Variants in PPP1R21 observed in about 807,000 individuals in gnomAD.
The protein encoded by PPP1R21 is protein phosphatase 1 regulatory subunit 21, also known as KLRAQ motif containing 1.
Under a neutral mutation model 112.8 loss-of-function variants are expected in PPP1R21, and 85 were observed. That is an observed-to-expected ratio of 0.75 (90% CI 0.63 to 0.90). The LOEUF (loss-of-function observed/expected upper bound fraction) is 0.90. Among genes scored for constraint, PPP1R21 ranks in the 40% least tolerant of loss-of-function variants. PPP1R21 has a pLI of 0.00. For missense variants in PPP1R21, 1,199 were observed against 901.5 expected (o/e 1.33, Z -4.23); for synonymous variants, 381 against 322.3 (o/e 1.18, Z -1.95).
chr2:48,508,120 T>C (rs375805722), intron 19 of PPP1R21, among the ~76,000 whole-genome samples: 5 of 151,330 alleles, frequency 3.3e-5, no homozygotes, highest in African/African-American at 1.2e-4. Flanking sequence ...GTATCATCTA[T>C]AAAATTATAC....
intron 1 of PPP1R21, among the ~76,000 whole-genome samples, chr2:48,448,137 T>C (rs1667329296): frequency 6.6e-6 from 1 of 152,192 alleles, no homozygotes; most frequent in Non-Finnish European, 1.5e-5. Context: ...GCTTATCATC[T>C]TCCTCCATTT....
At chr2:48,450,934 A>C in intron 1 of PPP1R21, 74 bp from the exon 2 acceptor site, 1 of 1,285,690 alleles carries the variant, frequency 7.8e-7, no homozygotes, top group Non-Finnish European at 1.1e-6. Context: ...TGATGCCTGT[A>C]AAATTGATGT....
At chr2:48,472,551 G>C (rs1411548186) in intron 11 of PPP1R21, among the ~76,000 whole-genome samples, 1 of 151,944 alleles carries the variant, frequency 6.6e-6, no homozygotes, top group East Asian at 1.9e-4. Flanking sequence ...ACTTGAACCT[G>C]GGAGGCGGAG....
intron 12 of PPP1R21, among the ~76,000 whole-genome samples, chr2:48,477,244 G>A (rs546681166): frequency 4.0e-5 from 6 of 148,516 alleles, no homozygotes; most frequent in Non-Finnish European, 8.9e-5. Context: ...TCAGCCTCCC[G>A]AGTAGCTGGG....
Position 48,483,195 on chromosome 2 carries a change from C to CTTTTTTTTTTTTT in PPP1R21, c.1318+3191_1318+3203dup, listed in dbSNP as rs755036470. On this transcript the variant is annotated intron_variant, in intron 13 of 21. Coordinates refer to ENST00000294952, the MANE Select transcript of PPP1R21 (RefSeq NM_001135629.3). ...TATAAAATAAAGATACTTTTTTTTC[C>CTTTTTTTTTTTTT]TTTTTTTTTTTTTTTTTTTTTTTTG... 6.2e-5 allele frequency among the ~76,000 whole-genome samples: 5 copies of CTTTTTTTTTTTTT among 80,890 alleles called. 1 individual carries two copies. Among genetic ancestry groups the CTTTTTTTTTTTTT allele is most frequent in the African/African-American group, 5.2e-5 (1 of 19,390 alleles). The allele number at this position is 80,890 out of a possible 152,430, so 53.1% of individuals were successfully genotyped here.
In PPP1R21 at chr2:48,476,437, C is replaced by T. The variant is rs796572421; in HGVS notation, c.1225+1618C>T. Among the ~76,000 whole-genome samples, 9 of 152,176 alleles carry T rather than the reference C, an allele frequency of 5.9e-5. 1 individual carries two copies. Among genetic ancestry groups the T allele is most frequent in the African/African-American group, 2.2e-4 (9 of 41,512 alleles). Reference sequence around the variant, plus strand: ...ATTCATGTACAAGTTTCTTTGTGGACATCTCTTTTCATTTCTTTGGGGTGT... The same window carrying T: ...ATTCATGTACAAGTTTCTTTGTGGATATCTCTTTTCATTTCTTTGGGGTGT... On this transcript the variant is annotated intron_variant, in intron 12 of 21. Coordinates refer to ENST00000294952, the MANE Select transcript of PPP1R21 (RefSeq NM_001135629.3).
intron 9 of PPP1R21, among the ~76,000 whole-genome samples, chr2:48,467,169 G>A (rs1475550546): frequency 6.6e-6 from 1 of 152,070 alleles, no homozygotes; most frequent in Non-Finnish European, 1.5e-5. Flanking sequence ...TTGAGCTTGG[G>A]GGGCATTTTC....
chr2:48,471,356 T>C lies in PPP1R21; in HGVS notation c.1077T>C (p.Tyr359=). The C allele has an allele frequency of 6.2e-7, 1 of 1,608,386 alleles. No individual in the cohort carries two copies. Among genetic ancestry groups the C allele is most frequent in the Non-Finnish European group, 8.5e-7 (1 of 1,178,326 alleles). Residue 359 remains tyrosine (Y), a synonymous_variant, in exon 11 of 22, where the codon TAT becomes TAC. Coordinates refer to ENST00000294952, the MANE Select transcript of PPP1R21 (RefSeq NM_001135629.3). ...GTTTTCTTAGGAAGATTCTTCCCTATCAGTTAAAAAGGTAGTTACCCCCGG... is the reference window on the plus strand; with the variant it reads ...GTTTTCTTAGGAAGATTCTTCCCTACCAGTTAAAAAGGTAGTTACCCCCGG... ...YICFLRKILP[Y]QLKSLEEECE... is the part of the protein sequence containing the mutation.
At chr2:48,505,499 G>A (rs916639656) in intron 17 of PPP1R21, 65 bp from the exon 18 acceptor site, 49 of 1,195,002 alleles carry the variant, frequency 4.1e-5, no homozygotes, top group South Asian at 4.0e-4. Flanking sequence ...TATTAAAAGC[G>A]TTTGATCTAT....
chr2:48,488,513 C>G lies in PPP1R21; in HGVS notation c.1446+1755C>G, dbSNP rs561784702. Among the ~76,000 whole-genome samples, 4 of 152,136 alleles carry G rather than the reference C, an allele frequency of 2.6e-5. No homozygotes were observed. In the South Asian group the frequency reaches 8.3e-4, roughly 32 times the overall value. ...TCCCGAGTAGCTGGGACTAAAGGTG[C>G]CTGCCACCATGCCTGGCTAATTTTG... On this transcript the variant is annotated intron_variant, in intron 14 of 21. Coordinates refer to ENST00000294952, the MANE Select transcript of PPP1R21 (RefSeq NM_001135629.3).
Position 48,491,145 on chromosome 2 carries a change from C to T in PPP1R21, c.1574C>T (p.Ala525Val). Residue 525 changes from alanine to valine, a missense_variant, in exon 15 of 22, where the codon GCT (alanine) becomes GTT (valine). Transcript: ENST00000294952. ...ECMLQYKKKA[A>V]AYMKSLRKPL... ...ATGCTACAGTATAAGAAAAAAGCTGCTGCCTATATGAAGTCTTTGAGAAAG... is the reference window on the plus strand; with the variant it reads ...ATGCTACAGTATAAGAAAAAAGCTGTTGCCTATATGAAGTCTTTGAGAAAG... The T allele has an allele frequency of 6.2e-7, 1 of 1,613,504 alleles. No homozygotes were observed. The highest frequency in any genetic ancestry group is 1.7e-5 in the Admixed American group (1 of 59,858).
chr2:48,454,585 T>G lies in PPP1R21; in HGVS notation c.127-10T>G. 1.2e-6 allele frequency: 2 copies of G among 1,614,058 alleles called. No homozygotes were observed. The highest frequency in any genetic ancestry group is 1.7e-6 in the Non-Finnish European group (2 of 1,179,960). ...ACTGTGAGGACCAATCTGTTTTCAC[T>G]TTGATATAGGAGCAACTGAAAATGA... On this transcript the variant is annotated splice_polypyrimidine_tract_variant and intron_variant, in intron 2 of 21. Transcript: ENST00000294952.
At chr2:48,464,578 G>T (rs544630178) in intron 7 of PPP1R21, among the ~76,000 whole-genome samples, 102 of 152,268 alleles carry the variant, frequency 6.7e-4, no homozygotes, top group African/African-American at 2.3e-3. Flanking sequence ...GCTGATTAGC[G>T]TGGCGGCTTT....
chr2:48,479,500 C>G (rs768531697), intron 12 of PPP1R21: 1 of 474,574 alleles, frequency 2.1e-6, no homozygotes, highest in South Asian at 1.5e-5. Context: ...AGAGGGCAAG[C>G]AGGTCCACAG....
At chr2:48,465,717 T>C in intron 9 of PPP1R21, 75 bp downstream of exon 9, 1 of 1,360,234 alleles carries the variant, frequency 7.4e-7, no homozygotes, top group East Asian at 2.3e-5. Context: ...AGACCTCTTC[T>C]GTGCACCATC....
Position 48,503,845 on chromosome 2 carries a change from C to T in PPP1R21, c.1936-1719C>T, listed in dbSNP as rs535901100. ...GTGGGCACCTGTAATCCCATCTACT[C>T]GGGAGGCTGAGGCAAGAGAATTGCT... On this transcript the variant is annotated intron_variant, in intron 17 of 21. Coordinates refer to ENST00000294952, the MANE Select transcript of PPP1R21 (RefSeq NM_001135629.3). Among the ~76,000 whole-genome samples the T allele has an allele frequency of 1.4e-3, 216 of 150,092 alleles. 2 individuals carry two copies. Among genetic ancestry groups the T allele is most frequent in the Non-Finnish European group, 2.4e-3 (162 of 67,762 alleles).
chr2:48,441,284 G>A, intron 1 of PPP1R21: 1 of 524,164 alleles, frequency 1.9e-6, no homozygotes, highest in Non-Finnish European at 3.5e-6. Flanking sequence ...GGACTGGGAT[G>A]TCAGAAATTC....
chr2:48,480,053 G>T (rs775793275), intron 13 of PPP1R21, 37 bp downstream of exon 13: 1 of 1,388,460 alleles, frequency 7.2e-7, no homozygotes, highest in Non-Finnish European at 1.0e-6. Flanking sequence ...TAAAACCTTT[G>T]CCCCACTTTC....
In PPP1R21 at chr2:48,498,607, A is replaced by G. The variant is rs1669957255; in HGVS notation, c.1807A>G (p.Lys603Glu). ...LEKENQRIAD[K>E]LKNTGSAQLV... ...GAAAGAAAACCAGCGAATTGCAGATAAGCTGAAGAATACAGGTAGTGCCCA... is the reference window on the plus strand; with the variant it reads ...GAAAGAAAACCAGCGAATTGCAGATGAGCTGAAGAATACAGGTAGTGCCCA... The change falls in exon 17 of 22, where the codon AAG (lysine) becomes GAG (glutamate). Residue 603 changes from lysine to glutamate, a missense_variant. Physicochemically the swap from Lys to Glu is moderately conservative, Grantham distance 56. Transcript: ENST00000294952. 1 of 1,614,258 alleles carries G rather than the reference A, an allele frequency of 6.2e-7. No individual in the cohort carries two copies. Among genetic ancestry groups the G allele is most frequent in the African/African-American group, 1.3e-5 (1 of 75,082 alleles).
Sources: gnomAD v4.1 joint callset for allele counts (sites outside exome capture counted in the v4.1 genomes callset) on GRCh38, gnomAD v4.1.1 for gene constraint, MANE v1.5 for transcripts, NCBI Gene and HGNC (gene_info 2026-07-23, HGNC 2026-07-21) for gene names.